SINHCAF: variants seen among roughly 807,000 people sequenced by gnomAD.
The protein encoded by SINHCAF is SIN3-HDAC complex associated factor, also known as SIN3-HDAC complex-associated factor.
A neutral mutation model predicts 25.8 loss-of-function variants in SINHCAF; 3 were observed. That is an observed-to-expected ratio of 0.12 (90% CI 0.05 to 0.30). The LOEUF (loss-of-function observed/expected upper bound fraction) is 0.30, where lower values mean the gene tolerates loss of function less well. Among genes scored for constraint, SINHCAF ranks in the 10% least tolerant of loss-of-function variants. The pLI, the probability that SINHCAF is intolerant of heterozygous loss-of-function variation, is 1.00. For missense variants in SINHCAF, 121 were observed against 262.3 expected, an observed-to-expected ratio of 0.46 and a Z score of 3.72; for synonymous variants, 70 against 85.5, an observed-to-expected ratio of 0.82 and a Z score of 1.00.
intron 1 of SINHCAF, among the ~76,000 whole-genome samples, chr12:31,317,821 G>GA (rs1939548858): frequency 6.6e-6 from 1 of 152,156 alleles, no homozygotes; most frequent in Non-Finnish European, 1.5e-5. Context: ...GAATGGGAAG[G>GA]AAACTGCAGA....
chr12:31,287,276 A>G (rs1938120516), intron 5 of SINHCAF, among the ~76,000 whole-genome samples: 1 of 152,020 alleles, frequency 6.6e-6, no homozygotes, highest in Non-Finnish European at 1.5e-5. Flanking sequence ...CTTTCCTAAA[A>G]TTGCTTATGT....
intron 2 of SINHCAF, 98 bp downstream of exon 2, chr12:31,297,979 T>C (rs1592968037): frequency 8.4e-7 from 1 of 1,195,850 alleles, no homozygotes; most frequent in East Asian, 2.3e-5. Flanking sequence ...GTGATTTTTA[T>C]TATTAGCACA....
At chr12:31,293,781 C>T (rs201559430) in intron 4 of SINHCAF, 24 bp downstream of exon 4, 4 of 1,587,688 alleles carry the variant, frequency 2.5e-6, no homozygotes, top group East Asian at 2.3e-5. Context: ...TTATTAAGTA[C>T]TAATGTTGTA....
At chr12:31,322,554 A>G (rs1939739255) in intron 1 of SINHCAF, among the ~76,000 whole-genome samples, 1 of 150,660 alleles carries the variant, frequency 6.6e-6, no homozygotes, top group African/African-American at 2.4e-5. Flanking sequence ...AATAGGTCCA[A>G]AGTTTTTCAT....
In SINHCAF at chr12:31,281,689, A is replaced by T. The variant is rs993317505; in HGVS notation, c.*1023T>A. On this transcript the variant is annotated 3_prime_UTR_variant, in exon 6 of 6. Coordinates refer to ENST00000337682, the MANE Select transcript of SINHCAF (RefSeq NM_001135812.2). ...ACATTTTTAATCGAGTGTGTTCTCT[A>T]CCATGCGGTAATGCTTTGGTACTAT... The T allele has an allele frequency of 3.9e-5, 6 of 152,178 alleles. No homozygotes were observed. The highest frequency in any genetic ancestry group is 1.4e-4 in the African/African-American group (6 of 41,442). 9.4% of individuals were successfully genotyped at this position (152,178 alleles called of 1,614,324 possible). A position where few individuals can be genotyped will look rare whatever the true frequency, so the allele number is the denominator to read the frequency against.
At chr12:31,323,648 A>G (rs1939803657) in intron 1 of SINHCAF, among the ~76,000 whole-genome samples, 1 of 152,124 alleles carries the variant, frequency 6.6e-6, no homozygotes, top group South Asian at 2.1e-4. Flanking sequence ...CCACCTCAAG[A>G]AACCAACTCC....
chr12:31,302,405 A>C (rs954315049), intron 1 of SINHCAF, among the ~76,000 whole-genome samples: 1 of 151,324 alleles, frequency 6.6e-6, no homozygotes, highest in Non-Finnish European at 1.5e-5. Flanking sequence ...ATTTAAAAAT[A>C]AAAATAACTG....
rs1939930298 is a variant in SINHCAF, at chr12:31,325,403, C to T, written c.-21+621G>A. ...CAACGCCACGCCGCGTGCGCTCCGG[C>T]AGAGCCCAGCACTGACCCCCAAAGG... On this transcript the variant is annotated intron_variant, in intron 1 of 5. Transcript: ENST00000337682. This position sits in a 1 kb window ranked among gnomAD's most constrained non-coding sequence, Gnocchi z 5.9. The T allele has an allele frequency of 2.7e-6, 1 of 372,934 alleles. No homozygotes were observed. Among genetic ancestry groups the T allele is most frequent in the Admixed American group, 3.2e-5 (1 of 30,806 alleles). 23.1% of individuals were successfully genotyped at this position (372,934 alleles called of 1,614,324 possible). A position where few individuals can be genotyped will look rare whatever the true frequency, so the allele number is the denominator to read the frequency against.
In SINHCAF at chr12:31,285,019, G is replaced by A. The variant is rs1937975916; in HGVS notation, c.507-2148C>T. The stretch of plus-strand genomic sequence containing the variant: ...TGCAATTACCCTGAATCTACAAAGT[G>A]ATCATCTCCCTAACAGTCAGTTTAA... On this transcript the variant is annotated intron_variant, in intron 5 of 5. Transcript: ENST00000337682. Among the ~76,000 whole-genome samples the A allele has an allele frequency of 2.0e-5, 3 of 152,156 alleles. No individual in the cohort carries two copies. In the South Asian group the frequency reaches 6.2e-4, roughly 31 times the overall value.
chr12:31,325,587 G>A lies in SINHCAF; in HGVS notation c.-21+437C>T, dbSNP rs1939938604. The A allele has an allele frequency of 5.1e-6, 1 of 194,978 alleles. No individual in the cohort carries two copies. The highest frequency in any genetic ancestry group is 1.1e-5 in the Non-Finnish European group (1 of 91,778). The allele number at this position is 194,978 out of a possible 1,614,324, so 12.1% of individuals were successfully genotyped here. On this transcript the variant is annotated intron_variant, in intron 1 of 5. Coordinates refer to ENST00000337682, the MANE Select transcript of SINHCAF (RefSeq NM_001135812.2). The surrounding 1 kb of genome is among the most constrained non-coding windows in gnomAD (Gnocchi z 5.9). ...CCTGCCCGCGCCTCGCGCCCACGCG[G>A]ACGCACCGACCCCGGCCGCTGCGCG...
At chr12:31,321,053 G>A (rs186008267) in intron 1 of SINHCAF, among the ~76,000 whole-genome samples, 1 of 152,236 alleles carries the variant, frequency 6.6e-6, no homozygotes, top group East Asian at 1.9e-4. Flanking sequence ...GTATTTCTGA[G>A]GCAAAGAGAA....
intron 1 of SINHCAF, chr12:31,304,628 C>T (rs1257430981): frequency 1.3e-5 from 2 of 152,108 alleles, no homozygotes; most frequent in African/African-American, 4.8e-5. Context: ...TGGAAAGTGA[C>T]ATTTGGAGGG....
chr12:31,298,267 A>G (rs747981546), intron 1 of SINHCAF, 43 bp from the exon 2 acceptor site: 1 of 1,606,940 alleles, frequency 6.2e-7, no homozygotes, highest in Non-Finnish European at 8.5e-7. Flanking sequence ...TGAGGGCTGT[A>G]ACAAGGAACC....
In SINHCAF at chr12:31,287,673, G is replaced by A. The variant is rs766232654; in HGVS notation, c.467C>T (p.Thr156Ile). ...GAGATCTAAAAAGGAAAAAACTGGT[G>A]TTCTGTTAGAACCAGAAGCCATCTC... ...DTEMASGSNR[T>I]PVFSFLDLTY... The change falls in exon 5 of 6, where the codon ACA (threonine) becomes ATA (isoleucine). Residue 156 changes from threonine (T) to isoleucine (I), a missense_variant. By Grantham distance (89) the Thr-to-Ile change is moderately conservative. Coordinates refer to ENST00000337682, the MANE Select transcript of SINHCAF (RefSeq NM_001135812.2). 6.2e-7 allele frequency: 1 copy of A among 1,603,258 alleles called. No individual in the cohort carries two copies. Among genetic ancestry groups the A allele is most frequent in the Non-Finnish European group, 8.5e-7 (1 of 1,174,192 alleles).
chr12:31,301,752 AC>A (rs1938803885), intron 1 of SINHCAF, among the ~76,000 whole-genome samples: 1 of 151,774 alleles, frequency 6.6e-6, no homozygotes, highest in East Asian at 1.9e-4. Context: ...GTTTAAAAAA[AC>A]AACAAAAAAA....
At chr12:31,285,011 T>C (rs1937975367) in intron 5 of SINHCAF, among the ~76,000 whole-genome samples, 1 of 152,216 alleles carries the variant, frequency 6.6e-6, no homozygotes, top group Non-Finnish European at 1.5e-5. Flanking sequence ...ACCCTGAATC[T>C]ACAAAGTGAT....
At chr12:31,287,841 A>T (rs951470498) in intron 4 of SINHCAF, 57 bp from the exon 5 acceptor site, 18 of 1,334,144 alleles carry the variant, frequency 1.3e-5, no homozygotes, top group Non-Finnish European at 1.9e-5. Flanking sequence ...ATGTAATTGC[A>T]ACTAAACCTC....
chr12:31,300,122 T>C (rs780392055), intron 1 of SINHCAF, among the ~76,000 whole-genome samples: 33 of 152,246 alleles, frequency 2.2e-4, no homozygotes, highest in Non-Finnish European at 4.0e-4. Context: ...TAGTATAATA[T>C]AGCAAGTATT....
chr12:31,290,720 T>A (rs964118604), intron 4 of SINHCAF, among the ~76,000 whole-genome samples: 4 of 152,256 alleles, frequency 2.6e-5, no homozygotes, highest in African/African-American at 9.6e-5. Flanking sequence ...TTTTGTTTTG[T>A]TTTGTTTTTG....
Sources: allele counts gnomAD v4.1 joint callset (sites outside exome capture counted in the v4.1 genomes callset), GRCh38; gene constraint gnomAD v4.1.1; non-coding constraint Gnocchi (gnomAD v3.1); transcripts MANE v1.5; gene names NCBI Gene and HGNC (gene_info 2026-07-23, HGNC 2026-07-21).